The following PCDHA1 variants were observed in gnomAD, a reference collection of about 807,000 sequenced individuals.
PCDHA1 encodes protocadherin alpha 1.
PCDHA1 carries 42 observed loss-of-function variants against 61.3 expected under a neutral mutation model. The observed-to-expected ratio is 0.69, with a 90% CI of 0.54 to 0.89. The LOEUF (loss-of-function observed/expected upper bound fraction) is 0.89. Ranked by LOEUF, PCDHA1 falls within the 40% of genes least tolerant of loss-of-function variation. The probability of loss-of-function intolerance (pLI) is 0.00; values close to 1 mark genes in which losing one functional copy is unlikely to be tolerated. For synonymous variants in PCDHA1, 610 were observed against 553.8 expected, an observed-to-expected ratio of 1.10 and a Z score of -1.43; for missense variants, 1,256 against 1,235.3, an observed-to-expected ratio of 1.02 and a Z score of -0.25.
intron 1 of PCDHA1, 41 bp from the exon 2 acceptor site, chr5:140,978,908 T>C: frequency 6.2e-7 from 1 of 1,613,772 alleles, no homozygotes; most frequent in Non-Finnish European, 8.5e-7. Context: ...GAGAACATTG[T>C]CTTGTCATTT....
chr5:140,963,021 G>A (rs2095729854), intron 1 of PCDHA1, among the ~76,000 whole-genome samples: 1 of 152,150 alleles, frequency 6.6e-6, no homozygotes, highest in Non-Finnish European at 1.5e-5. Flanking sequence ...AGAAAATGAA[G>A]CAATTAACAT....
At chr5:140,877,346 G>GGCT (rs1217124440) in intron 1 of PCDHA1, 1 of 1,613,888 alleles carries the variant, frequency 6.2e-7, no homozygotes, top group Non-Finnish European at 8.5e-7. Flanking sequence ...TTCCACGTGG[G>GGCT]GCTGTACACT....
At chr5:140,836,089 G>T in intron 1 of PCDHA1, 1 of 1,613,682 alleles carries the variant, frequency 6.2e-7, no homozygotes. Context: ...CTGGCGCCTC[G>T]GGTGGGTGGC....
chr5:140,872,785 C>A (rs781982200), intron 1 of PCDHA1, among the ~76,000 whole-genome samples: 1 of 152,072 alleles, frequency 6.6e-6, no homozygotes, highest in Non-Finnish European at 1.5e-5. Context: ...ATAATATATG[C>A]TAGTTGGCAT....
chr5:141,002,877 A>G (rs989540490), intron 3 of PCDHA1, among the ~76,000 whole-genome samples: 1 of 152,252 alleles, frequency 6.6e-6, no homozygotes, highest in Non-Finnish European at 1.5e-5. Context: ...CCTCAAGAAC[A>G]GAAAGAGAAC....
chr5:141,010,272 T>C lies in PCDHA1; in HGVS notation c.*335T>C. On this transcript the variant is annotated 3_prime_UTR_variant, in exon 4 of 4. Coordinates refer to ENST00000504120, the MANE Select transcript of PCDHA1 (RefSeq NM_018900.4). ...TCTCTGCCCTGTGCTCCGGGGATCC[T>C]GTCTTGATGACACTTGCAGGGCAGG... The C allele has an allele frequency of 6.4e-7, 1 of 1,551,508 alleles. No homozygotes were observed. Among genetic ancestry groups the C allele is most frequent in the Non-Finnish European group, 8.7e-7 (1 of 1,146,940 alleles).
chr5:140,982,224 A>G (rs893184323), intron 2 of PCDHA1: 8 of 587,202 alleles, frequency 1.4e-5, no homozygotes, highest in South Asian at 3.8e-5. Flanking sequence ...TGGCGTTAAT[A>G]AAAAACAGAA....
At chr5:140,899,789 G>A (rs1200461877) in intron 1 of PCDHA1, among the ~76,000 whole-genome samples, 17 of 152,024 alleles carry the variant, frequency 1.1e-4, no homozygotes, top group Admixed American at 9.8e-4. Context: ...GGTATAATTC[G>A]GCTGTGAATC....
intron 1 of PCDHA1, chr5:140,870,784 G>A: frequency 6.2e-7 from 1 of 1,613,574 alleles, no homozygotes; most frequent in South Asian, 1.1e-5. Context: ...GAACGACAAC[G>A]CGCCGGCACT....
chr5:140,822,922 C>T, intron 1 of PCDHA1: 1 of 1,614,270 alleles, frequency 6.2e-7, no homozygotes, highest in South Asian at 1.1e-5. Flanking sequence ...TGCCAACGGG[C>T]AGGTGACCTG....
intron 1 of PCDHA1, chr5:140,859,483 G>C (rs1554152411): frequency 9.7e-6 from 2 of 206,816 alleles, no homozygotes; most frequent in African/African-American, 4.7e-5. Flanking sequence ...GTGTTTTCCT[G>C]AAATTGGTTG....
chr5:140,961,728 A>G (rs2095632104), intron 1 of PCDHA1, among the ~76,000 whole-genome samples: 1 of 152,192 alleles, frequency 6.6e-6, no homozygotes, highest in East Asian at 1.9e-4. Context: ...GCTCATAAAC[A>G]ATCACTTTAG....
intron 3 of PCDHA1, among the ~76,000 whole-genome samples, chr5:140,987,524 GT>G (rs1341881093): frequency 6.6e-6 from 1 of 152,144 alleles, no homozygotes; most frequent in Non-Finnish European, 1.5e-5. Flanking sequence ...GTAATTGTAT[GT>G]TCCTGGGACC....
chr5:140,805,128 G>C (rs183815562), intron 1 of PCDHA1: 2 of 1,581,096 alleles, frequency 1.3e-6, no homozygotes, highest in Non-Finnish European at 8.5e-7. Context: ...TCTTGGCAAA[G>C]ACATTTTGAA....
intron 1 of PCDHA1, chr5:140,822,175 A>T: frequency 6.2e-7 from 1 of 1,614,258 alleles, no homozygotes; most frequent in Non-Finnish European, 8.5e-7. Context: ...CAGGTTCTCC[A>T]GACAAGAACA....
chr5:140,978,794 TG>T (rs1179958432), intron 1 of PCDHA1, 154 bp from the exon 2 acceptor site: 8 of 978,628 alleles, frequency 8.2e-6, no homozygotes, highest in Non-Finnish European at 9.7e-6. Context: ...GTGCTATATA[TG>T]TAGATATCAT....
chr5:140,867,871 A>G (rs1450375674), intron 1 of PCDHA1: 1 of 152,152 alleles, frequency 6.6e-6, no homozygotes, highest in Non-Finnish European at 1.5e-5. Flanking sequence ...TTAATTTTCT[A>G]TGTTTTAAGC....
At chr5:140,827,320 A>C (rs1554130752) in intron 1 of PCDHA1, among the ~76,000 whole-genome samples, 1 of 152,256 alleles carries the variant, frequency 6.6e-6, no homozygotes, top group Non-Finnish European at 1.5e-5. Context: ...AAATTCCACT[A>C]GAATTTGAAG....
At chr5:140,941,194 TCTTTCTTCCTTTCTTTCTTCC>T (rs1563183817) in intron 1 of PCDHA1, among the ~76,000 whole-genome samples, 5 of 112,350 alleles carry the variant, frequency 4.5e-5, no homozygotes, top group Admixed American at 9.1e-5. Flanking sequence ...TCTTTTTTTT[TCTTTCTTCCTTTCTTTCTTCC>T]TTTCTTTCTT....
Sources: gnomAD v4.1 joint callset for allele counts (sites outside exome capture counted in the v4.1 genomes callset) on GRCh38, gnomAD v4.1.1 for gene constraint, MANE v1.5 for transcripts, NCBI Gene and HGNC (gene_info 2026-07-23, HGNC 2026-07-21) for gene names.